The following CTDSP1 variants were observed in gnomAD, a reference collection of about 807,000 sequenced individuals.
The protein encoded by CTDSP1 is CTD small phosphatase 1.
A neutral mutation model predicts 32.5 loss-of-function variants in CTDSP1; 15 were observed. That is an observed-to-expected ratio of 0.46 (90% CI 0.31 to 0.71). The LOEUF is 0.71. Among genes scored for constraint, CTDSP1 ranks in the 30% least tolerant of loss-of-function variants. CTDSP1 has a pLI of 0.05. For missense variants in CTDSP1, 294 were observed against 351.1 expected (o/e 0.84, Z 1.30); for synonymous variants, 185 against 145.4 (o/e 1.27, Z -1.96).
chr2:218,403,720 T>C (rs1355460242), intron 6 of CTDSP1: 1 of 327,852 alleles, frequency 3.1e-6, no homozygotes, highest in African/African-American at 2.1e-5. Flanking sequence ...GCCCACAGAA[T>C]TAATTTAGTG....
chr2:218,399,809 C>T (rs957961437), upstream of CTDSP1: 9 of 1,144,378 alleles, frequency 7.9e-6, no homozygotes, highest in Non-Finnish European at 8.6e-6. Flanking sequence ...GTCCAGGTCA[C>T]GCCGAAGCCG....
intron 4 of CTDSP1, chr2:218,402,721 G>T (rs768858475): frequency 4.0e-6 from 3 of 756,670 alleles, no homozygotes; most frequent in Non-Finnish European, 7.4e-6. Context: ...CTCGGGGACC[G>T]GTGCCCTGCA....
rs948467115 is a variant in CTDSP1, at chr2:218,402,195, C to T, written c.301C>T (p.Leu101=). Reference sequence around the variant, plus strand: ...CGTGGTCATCGACCTGGACGAGACCCTGGTGCACAGCTCCTTCAAGGTGGG... The same window carrying T: ...CGTGGTCATCGACCTGGACGAGACCTTGGTGCACAGCTCCTTCAAGGTGGG... The part of the protein sequence containing the change: ...ICVVIDLDET[L]VHSSFKPVNN... Residue 101 remains leucine (L), a synonymous_variant, in exon 3 of 7, where the codon CTG becomes TTG. Coordinates refer to ENST00000273062, the MANE Select transcript of CTDSP1 (RefSeq NM_021198.3). 6.2e-6 allele frequency: 10 copies of T among 1,613,624 alleles called. No homozygotes were observed. The Admixed American group carries it at 8.3e-5, about 13-fold the overall frequency.
In CTDSP1 at chr2:218,403,172, C is replaced by T. The variant is rs953030217; in HGVS notation, c.471+45C>T. The T allele has an allele frequency of 2.5e-6, 4 of 1,612,916 alleles. No individual in the cohort carries two copies. In the African/African-American group the frequency reaches 4.0e-5, roughly 16 times the overall value. ...CGGGGCAACCCTGCCCTCCTACCTA[C>T]CTCCCGCATGCAGCCCAATGAACCT... is the stretch of plus-strand genomic sequence containing the variant. On this transcript the variant is annotated intron_variant, in intron 5 of 6. Transcript: ENST00000273062.
Position 218,404,780 on chromosome 2 carries a change from T to A in CTDSP1, c.*355T>A, listed in dbSNP as rs1697332764. On this transcript the variant is annotated 3_prime_UTR_variant, in exon 7 of 7. Transcript: ENST00000273062. Reference sequence around the variant, plus strand: ...CCGGTTCTGCTTCCTGGGGGCAGGGTTCCTGCCTTGGACCCCCAGTCTGGG... The same window carrying A: ...CCGGTTCTGCTTCCTGGGGGCAGGGATCCTGCCTTGGACCCCCAGTCTGGG... 4.8e-6 allele frequency: 1 copy of A among 209,304 alleles called. No homozygotes were observed. The highest frequency in any genetic ancestry group is 5.7e-5 in the Admixed American group (1 of 17,470). The allele number at this position is 209,304 out of a possible 1,614,324, so 13.0% of individuals were successfully genotyped here.
At chr2:218,398,276 C>T (rs1042893367), upstream of CTDSP1, 47 of 815,346 alleles carry the variant, frequency 5.8e-5, no homozygotes, top group Non-Finnish European at 8.6e-5. Flanking sequence ...CGCTTCCTTT[C>T]TTGAAACTCA....
At chr2:218,397,978 CT>C (rs2106346149), upstream of CTDSP1, among the ~76,000 whole-genome samples, 1 of 152,300 alleles carries the variant, frequency 6.6e-6, no homozygotes, top group South Asian at 2.1e-4. Context: ...CTGAGGAATC[CT>C]GTGAGCTCAG....
chr2:218,403,397 G>A lies in CTDSP1; in HGVS notation c.637G>A (p.Val213Ile), dbSNP rs971884192. The part of the protein sequence containing the change: ...LILDNSPASY[V>I]FHPDNAVPVA... ...CCTGGACAATTCACCTGCCTCCTATGTCTTCCATCCAGACAATGCTGTGAG... is the reference window on the plus strand; with the variant it reads ...CCTGGACAATTCACCTGCCTCCTATATCTTCCATCCAGACAATGCTGTGAG... The change falls in exon 6 of 7, where the codon GTC becomes ATC. Residue 213 changes from valine (V) to isoleucine (I), a missense_variant. This residue lies in a region of CTDSP1 where 146 missense variants were observed against 237.7 expected (regional missense o/e 0.61). Transcript: ENST00000273062. The A allele has an allele frequency of 3.1e-6, 5 of 1,606,676 alleles. No homozygotes were observed. Among genetic ancestry groups the A allele is most frequent in the South Asian group, 1.1e-5 (1 of 90,602 alleles).
chr2:218,403,545 C>A, intron 6 of CTDSP1, 128 bp downstream of exon 6: 2 of 788,146 alleles, frequency 2.5e-6, no homozygotes, highest in Non-Finnish European at 3.9e-6. Context: ...TTCCTGCATT[C>A]ATTGCCTGTG....
intron 4 of CTDSP1, 49 bp from the exon 5 acceptor site, chr2:218,402,986 C>T: frequency 7.0e-7 from 1 of 1,426,766 alleles, no homozygotes; most frequent in East Asian, 2.3e-5. Context: ...CTCGGCCACC[C>T]CCACACTGCC....
chr2:218,398,452 G>A, upstream of CTDSP1: 1 of 1,533,288 alleles, frequency 6.5e-7, no homozygotes, highest in Non-Finnish European at 8.7e-7. Flanking sequence ...GCAGGAGGAG[G>A]GCCGAGGGAT....
intron 4 of CTDSP1, 146 bp downstream of exon 4, chr2:218,402,551 C>T (rs1490786593): frequency 2.3e-6 from 2 of 858,258 alleles, no homozygotes; most frequent in Non-Finnish European, 3.9e-6. Context: ...GTCCCAAAGT[C>T]ACACAGAACC....
At chr2:218,400,989 A>AG in intron 1 of CTDSP1, 11 of 120,320 alleles carry the variant, frequency 9.1e-5, no homozygotes, top group Admixed American at 6.7e-4. Context: ...GTGGGGTGGG[A>AG]GGGGTATCTG....
chr2:218,401,494 C>G, intron 1 of CTDSP1, 70 bp from the exon 2 acceptor site: 1 of 1,574,974 alleles, frequency 6.3e-7, no homozygotes, highest in Non-Finnish European at 8.7e-7. Context: ...GGGGTTCACA[C>G]CTGGGCACAC....
rs914870186 is a variant in CTDSP1 at position 218,404,758 on chromosome 2, G to A, written c.*333G>A. On this transcript the variant is annotated 3_prime_UTR_variant, in exon 7 of 7. Transcript: ENST00000273062. ...AAATTGGGCCCCTTGGCCCCTTCCG[G>A]TTCTGCTTCCTGGGGGCAGGGTTCC... is the stretch of plus-strand genomic sequence containing the variant. 3 of 240,122 alleles carry A rather than the reference G, an allele frequency of 1.2e-5. No individual in the cohort carries two copies. Among genetic ancestry groups the A allele is most frequent in the African/African-American group, 4.5e-5 (2 of 44,374 alleles). The allele number at this position is 240,122 out of a possible 1,614,324, so 14.9% of individuals were successfully genotyped here. A position where few individuals can be genotyped will look rare whatever the true frequency, so the allele number is the denominator to read the frequency against.
chr2:218,401,534 G>A (rs773638043), intron 1 of CTDSP1, 30 bp from the exon 2 acceptor site: 33 of 1,612,098 alleles, frequency 2.0e-5, no homozygotes, highest in East Asian at 6.7e-5. Flanking sequence ...AGTGTGCACC[G>A]AGCCTCCAAC....
At chr2:218,398,693 A>G, upstream of CTDSP1, 1 of 324,768 alleles carries the variant, frequency 3.1e-6, no homozygotes. Flanking sequence ...CCGCCCCGCC[A>G]CGGAGGCCCG....
At chr2:218,397,568 C>T (rs1412377835), upstream of CTDSP1, among the ~76,000 whole-genome samples, 1 of 152,226 alleles carries the variant, frequency 6.6e-6, no homozygotes, top group Non-Finnish European at 1.5e-5. Flanking sequence ...AGGTGCCAGA[C>T]AGCACCTTGC....
At position 218,402,481 on chromosome 2, in the gene CTDSP1, G is replaced by A. The variant is rs866326766; in HGVS notation, c.378+76G>A. The stretch of plus-strand genomic sequence containing the variant: ...TAGGCTCTTCCCACCAATCCGGAGC[G>A]CCTCGGATGGGAATTGGATACATGT... On this transcript the variant is annotated intron_variant, in intron 4 of 6. Transcript: ENST00000273062. 48 of 1,439,656 alleles carry A rather than the reference G, an allele frequency of 3.3e-5. No individual in the cohort carries two copies. In the Middle Eastern group the frequency reaches 7.0e-4, roughly 21 times the overall value. 89.2% of individuals were successfully genotyped at this position (1,439,656 alleles called of 1,614,324 possible).
Sources: allele counts gnomAD v4.1 joint callset (sites outside exome capture counted in the v4.1 genomes callset), GRCh38; gene constraint gnomAD v4.1.1; regional missense constraint gnomAD v4.1.1; transcripts MANE v1.5; gene names NCBI Gene and HGNC (gene_info 2026-07-23, HGNC 2026-07-21).